USP49: variants seen among roughly 807,000 people sequenced by gnomAD.
The protein encoded by USP49 is ubiquitin specific peptidase 49, also known as ubiquitin carboxyl-terminal hydrolase 49.
USP49 carries 24 observed loss-of-function variants against 58.6 expected under a neutral mutation model. The observed-to-expected ratio is 0.41, with a 90% CI of 0.30 to 0.58. USP49 has a LOEUF of 0.58. Among genes scored for constraint, USP49 ranks in the 20% least tolerant of loss-of-function variants. The pLI is 0.30. For synonymous variants in USP49, 408 were observed against 365.1 expected, an observed-to-expected ratio of 1.12 and a Z score of -1.34; for missense variants, 703 against 866.1, an observed-to-expected ratio of 0.81 and a Z score of 2.36.
chr6:41,881,541 A>T (rs907802362), intron 2 of USP49, among the ~76,000 whole-genome samples: 1 of 152,126 alleles, frequency 6.6e-6, no homozygotes, highest in Non-Finnish European at 1.5e-5. Context: ...CTAAAGGAAA[A>T]AAAAGTCTAA....
At chr6:41,863,074 G>A (rs1244668132) in intron 3 of USP49, among the ~76,000 whole-genome samples, 1 of 152,022 alleles carries the variant, frequency 6.6e-6, no homozygotes, top group Non-Finnish European at 1.5e-5. Context: ...ACCGCACCTG[G>A]CCTCTCACAC....
intron 3 of USP49, among the ~76,000 whole-genome samples, chr6:41,850,448 A>C (rs1323617981): frequency 6.7e-6 from 1 of 150,358 alleles, no homozygotes; most frequent in Non-Finnish European, 1.5e-5. Context: ...GCCTCTAAGG[A>C]AAGAAAAAAA....
At position 41,792,096 on chromosome 6, in the gene USP49, A is replaced by C. The variant is rs1226257629; in HGVS notation, c.*4437T>G. ...GGTCAGAGTAAAAGAAACTGGCTGT[A>C]AACAGCCCTGCAGTGAAGAGACTGG... On this transcript the variant is annotated 3_prime_UTR_variant, in exon 8 of 8. Coordinates refer to ENST00000682992, the MANE Select transcript of USP49 (RefSeq NM_001286554.2). The C allele has an allele frequency of 6.6e-6, 1 of 152,254 alleles. No homozygotes were observed. The highest frequency in any genetic ancestry group is 1.9e-4 in the East Asian group (1 of 5,200). 9.4% of individuals were successfully genotyped at this position (152,254 alleles called of 1,614,324 possible). A position where few individuals can be genotyped will look rare whatever the true frequency, so the allele number is the denominator to read the frequency against.
intron 2 of USP49, 53 bp from the exon 3 acceptor site, chr6:41,871,690 G>A (rs897988599): frequency 6.6e-6 from 1 of 151,904 alleles, no homozygotes; most frequent in African/African-American, 2.4e-5. Flanking sequence ...CAAGAAAAAA[G>A]CAATTTCATT....
chr6:41,802,444 A>ATTTTTTTT (rs1773025624), intron 5 of USP49, among the ~76,000 whole-genome samples: 1 of 50,736 alleles, frequency 2.0e-5, no homozygotes, highest in Non-Finnish European at 3.9e-5. Flanking sequence ...TTATTTATTT[A>ATTTTTTTT]TTTATTTATT....
chr6:41,891,087 G>GAC (rs1774803787), intron 2 of USP49, among the ~76,000 whole-genome samples: 2 of 152,160 alleles, frequency 1.3e-5, no homozygotes, highest in Non-Finnish European at 2.9e-5. Flanking sequence ...TGGATAAAAG[G>GAC]TTAGTAACAG....
chr6:41,816,400 CACAA>C (rs1581999729), intron 3 of USP49, among the ~76,000 whole-genome samples: 1 of 152,160 alleles, frequency 6.6e-6, no homozygotes, highest in Non-Finnish European at 1.5e-5. Context: ...CTTAACACTG[CACAA>C]ACATTCTCTT....
At position 41,827,657 on chromosome 6, in the gene USP49, A is replaced by G. The variant is rs77103140; in HGVS notation, c.-28-20646T>C. ...CCTGGGCAATAGAGCAAGGGGCAAT[A>G]CAGCAAGACTCTGTCTCCAAAAAAA... On this transcript the variant is annotated intron_variant, in intron 3 of 7. Coordinates refer to ENST00000682992, the MANE Select transcript of USP49 (RefSeq NM_001286554.2). Among the ~76,000 whole-genome samples the G allele has an allele frequency of 1.2e-3, 170 of 144,066 alleles. No homozygotes were observed. The East Asian group carries it at 0.032, about 27-fold the overall frequency. 94.5% of individuals were successfully genotyped at this position (144,066 alleles called of 152,430 possible).
rs114641955 is a variant in USP49 at position 41,846,845 on chromosome 6, G to C, written c.-29+24719C>G. Among the ~76,000 whole-genome samples, 283 of 152,250 alleles carry C rather than the reference G, an allele frequency of 1.9e-3. 2 individuals are homozygous for C. The highest frequency in any genetic ancestry group is 6.6e-3 in the African/African-American group (275 of 41,550). On this transcript the variant is annotated intron_variant, in intron 3 of 7. Coordinates refer to ENST00000682992, the MANE Select transcript of USP49 (RefSeq NM_001286554.2). ...TGTGTCCAACATTCTGGCTTGTCTG[G>C]GGCTTCCTGAGAGACTGATTTCTAT...
intron 6 of USP49, among the ~76,000 whole-genome samples, 164 bp from the exon 7 acceptor site, chr6:41,799,093 T>TATTTA (rs1157618403): frequency 1.3e-5 from 2 of 151,446 alleles, no homozygotes; most frequent in African/African-American, 4.9e-5. Flanking sequence ...TTTATTTATT[T>TATTTA]ATTTATTTAT....
rs547746113 is a variant in USP49 at position 41,796,575 on chromosome 6, C to T, written c.2025G>A (p.Gln675=). The T allele has an allele frequency of 4.7e-5, 34 of 717,492 alleles. No individual in the cohort carries two copies. In the South Asian group the frequency reaches 5.0e-4, roughly 11 times the overall value. 44.4% of individuals were successfully genotyped at this position (717,492 alleles called of 1,614,324 possible). A position where few individuals can be genotyped will look rare whatever the true frequency, so the allele number is the denominator to read the frequency against. ...GTCTGCCTTCATCATTGTTGCTGGA[C>T]TGCACCTGAGCTTGGAGATGGGTTT... ...ISETHLQAQV[Q]SSNNDEGRPQ... The change falls in exon 8 of 8, where the codon CAG becomes CAA. Residue 675 remains glutamine (Q), a synonymous_variant. Transcript: ENST00000682992.
At chr6:41,847,331 G>T (rs1367192101) in intron 3 of USP49, among the ~76,000 whole-genome samples, 3 of 152,120 alleles carry the variant, frequency 2.0e-5, no homozygotes, top group African/African-American at 7.2e-5. Context: ...CAATGAAAAA[G>T]ATCCAAACAG....
chr6:41,834,652 A>C (rs1773695328), intron 3 of USP49, among the ~76,000 whole-genome samples: 1 of 152,124 alleles, frequency 6.6e-6, no homozygotes, highest in Admixed American at 6.5e-5. Context: ...GCACCTCAAC[A>C]TTCTCTATTT....
In USP49 at chr6:41,886,781, CCTAGCTACT is replaced by C. The variant is rs939584737; in HGVS notation, c.-103+5004_-103+5012del. Among the ~76,000 whole-genome samples the C allele has an allele frequency of 8.0e-4, 122 of 152,260 alleles. 2 individuals are homozygous for C. The highest frequency in any genetic ancestry group is 6.8e-3 in the Middle Eastern group (2 of 294). On this transcript the variant is annotated intron_variant, in intron 2 of 7. Transcript: ENST00000682992. ...GGGCGTGGTGGTGCATGCCTGTAGTCCTAGCTACTCTAGGGGCTGAGACAGGAGAATCAC... is the reference window on the plus strand; with the variant it reads ...GGGCGTGGTGGTGCATGCCTGTAGTCCTAGGGGCTGAGACAGGAGAATCAC...
intron 3 of USP49, among the ~76,000 whole-genome samples, chr6:41,817,169 A>ATTTTTTTTTC (rs1773368907): frequency 3.8e-5 from 1 of 26,030 alleles, no homozygotes; most frequent in Non-Finnish European, 6.5e-5. Flanking sequence ...TTTTTTTTTG[A>ATTTTTTTTTC]GACAGAGTCT....
At chr6:41,845,752 AT>A (rs35988793) in intron 3 of USP49, among the ~76,000 whole-genome samples, 32,875 of 150,614 alleles carry the variant, frequency 0.22, 3,706 homozygotes, top group East Asian at 0.29. Context: ...TTTTTTAAAT[AT>A]TTTTTTTTTC....
chr6:41,885,720 C>T (rs1774697723), intron 2 of USP49, among the ~76,000 whole-genome samples: 1 of 152,014 alleles, frequency 6.6e-6, no homozygotes, highest in Non-Finnish European at 1.5e-5. Flanking sequence ...GGCTTGAAGC[C>T]GGGAGGTGGA....
intron 2 of USP49, among the ~76,000 whole-genome samples, chr6:41,882,974 AGAT>A (rs1774639013): frequency 6.6e-6 from 1 of 152,114 alleles, no homozygotes; most frequent in South Asian, 2.1e-4. Flanking sequence ...ACATCCCAGA[AGAT>A]GATATTTATA....
At chr6:41,811,241 T>C (rs1251620125) in intron 3 of USP49, among the ~76,000 whole-genome samples, 1 of 152,216 alleles carries the variant, frequency 6.6e-6, no homozygotes, top group Admixed American at 6.5e-5. Context: ...TTTTTCTGGA[T>C]GTGTTTGCCC....
Sources: allele counts gnomAD v4.1 joint callset (sites outside exome capture counted in the v4.1 genomes callset), GRCh38; gene constraint gnomAD v4.1.1; transcripts MANE v1.5; gene names NCBI Gene and HGNC (gene_info 2026-07-23, HGNC 2026-07-21).